VPS16: variants seen among roughly 807,000 people sequenced by gnomAD.
The protein encoded by VPS16 is VPS16 core subunit of CORVET and HOPS complexes.
In VPS16, 82 loss-of-function variants were observed where a neutral mutation model predicts 116.0. The observed-to-expected ratio is 0.71, with a 90% CI of 0.59 to 0.85. VPS16 has a LOEUF of 0.85. Among genes scored for constraint, VPS16 ranks in the 40% least tolerant of loss-of-function variants. The pLI, the probability that VPS16 is intolerant of heterozygous loss-of-function variation, is 0.00. For synonymous variants in VPS16, 406 were observed against 420.7 expected (o/e 0.96, Z 0.43); for missense variants, 928 against 1,090.6 (o/e 0.85, Z 2.10).
At chr20:2,854,960 A>ATTTTTTTTTT (rs547295825) in intron 1 of VPS16, among the ~76,000 whole-genome samples, 7 of 110,132 alleles carry the variant, frequency 6.4e-5, no homozygotes, top group South Asian at 6.2e-4. Flanking sequence ...ATGAGCAGTA[A>ATTTTTTTTTT]TTTTTTTTTT....
At position 2,860,254 on chromosome 20, in the gene VPS16, G is replaced by A. The variant is rs139942869; in HGVS notation, c.256G>A (p.Val86Met). The A allele has an allele frequency of 6.0e-5, 97 of 1,614,002 alleles. No individual in the cohort carries two copies. Among genetic ancestry groups the A allele is most frequent in the Non-Finnish European group, 7.6e-5 (90 of 1,180,038 alleles). The change falls in exon 4 of 24, where the codon GTG becomes ATG. Residue 86 changes from valine to methionine, a missense_variant. Val to Met is a conservative substitution (Grantham distance 21). Transcript: ENST00000380445. This position sits in a 1 kb window ranked among gnomAD's most constrained non-coding sequence, Gnocchi z 6.1. Reference sequence around the variant, plus strand: ...TCCCCTGCAGTGGAAGAGTGGACCCGTGGTGTCCCTGGGCTGGTCAGCTGA... The same window carrying A: ...TCCCCTGCAGTGGAAGAGTGGACCCATGGTGTCCCTGGGCTGGTCAGCTGA... ...LASLLWKSGP[V>M]VSLGWSAEEE...
intron 1 of VPS16, among the ~76,000 whole-genome samples, chr20:2,856,451 C>G (rs990950573): frequency 5.3e-5 from 8 of 152,172 alleles, no homozygotes; most frequent in African/African-American, 1.9e-4. Flanking sequence ...AAAAATGACG[C>G]TGATAGATTT....
At chr20:2,861,923 C>T (rs897276075) in intron 10 of VPS16, 24 bp downstream of exon 10, 4 of 1,611,578 alleles carry the variant, frequency 2.5e-6, no homozygotes, top group African/African-American at 1.3e-5. Context: ...AAGGGCACCA[C>T]ATAACCCAAG....
chr20:2,862,785 A>C (rs367807650), intron 12 of VPS16, 22 bp from the exon 13 acceptor site: 1 of 1,613,462 alleles, frequency 6.2e-7, no homozygotes, highest in South Asian at 1.1e-5. Context: ...GCTCTCTCCT[A>C]TCGCCCTCTG....
Position 2,862,901 on chromosome 20 carries a change from A to G in VPS16, c.1298A>G (p.Asp433Gly). The G allele has an allele frequency of 6.2e-7, 1 of 1,614,060 alleles. No homozygotes were observed. The highest frequency in any genetic ancestry group is 8.5e-7 in the Non-Finnish European group (1 of 1,179,996). Residue 433 changes from aspartate (D) to glycine (G), a missense_variant, in exon 13 of 24, where the codon GAC becomes GGC. Asp to Gly is a moderately conservative substitution (Grantham distance 94). Transcript: ENST00000380445. ...CTGCGTGTGCTCAATGCTGTTCGGGACTATCACATCGGGATCCCGCTCACC... is the reference window on the plus strand; with the variant it reads ...CTGCGTGTGCTCAATGCTGTTCGGGGCTATCACATCGGGATCCCGCTCACC... ...QDLRVLNAVR[D>G]YHIGIPLTYS...
chr20:2,845,598 G>A (rs1004142163), intron 1 of VPS16, among the ~76,000 whole-genome samples: 114 of 149,646 alleles, frequency 7.6e-4, no homozygotes, highest in African/African-American at 2.6e-3. Flanking sequence ...AAAAAAAAAA[G>A]AACATTTTAA....
intron 1 of VPS16, among the ~76,000 whole-genome samples, chr20:2,845,020 G>GTGTA (rs537653844): frequency 2.6e-5 from 4 of 151,376 alleles, no homozygotes; most frequent in African/African-American, 9.7e-5. Context: ...GTGTGTGTGT[G>GTGTA]TGTGTGTGTG....
chr20:2,851,956 C>A (rs868314952), intron 1 of VPS16, among the ~76,000 whole-genome samples: 1 of 152,072 alleles, frequency 6.6e-6, no homozygotes, highest in African/African-American at 2.4e-5. Flanking sequence ...GGCGACAGAG[C>A]GAGACGCTGT....
rs1271084678 is a variant in VPS16 at position 2,864,204 on chromosome 20, G to A, written c.1637G>A (p.Gly546Glu). Residue 546 changes from glycine (G) to glutamate (E), a missense_variant, in exon 17 of 24, where the codon GGG (glycine) becomes GAG (glutamate). Coordinates refer to ENST00000380445, the MANE Select transcript of VPS16 (RefSeq NM_022575.4). The surrounding 1 kb of genome is among the most constrained non-coding windows in gnomAD (Gnocchi z 5.2). ...CTGCTGGAGTATGAGCCACGCTCAG[G>A]GGAGCAGGTACCCCTTCTCCTAAAG... ...IKLLEYEPRS[G>E]EQVPLLLKMK... 8 of 1,614,090 alleles carry A rather than the reference G, an allele frequency of 5.0e-6. No individual in the cohort carries two copies. The highest frequency in any genetic ancestry group is 5.9e-6 in the Non-Finnish European group (7 of 1,180,044).
intron 1 of VPS16, among the ~76,000 whole-genome samples, chr20:2,846,994 G>T (rs987201083): frequency 2.0e-4 from 30 of 152,130 alleles, no homozygotes; most frequent in Non-Finnish European, 4.1e-4. Flanking sequence ...CACTAAGTGT[G>T]TGGCCTCTCT....
In VPS16 at chr20:2,862,928, A is replaced by C. The variant is rs1676250736; in HGVS notation, c.1325A>C (p.Tyr442Ser). ...RDYHIGIPLT[Y>S]SQYKQLTIQV... ...TATCACATCGGGATCCCGCTCACCT[A>C]TAGCCAGTATCCCTGTGCACGCCAG... Residue 442 changes from tyrosine to serine, a missense_variant, in exon 13 of 24, where the codon TAT (tyrosine) becomes TCT (serine). Tyr to Ser is a moderately radical substitution (Grantham distance 144). Coordinates refer to ENST00000380445, the MANE Select transcript of VPS16 (RefSeq NM_022575.4). 6.2e-7 allele frequency: 1 copy of C among 1,613,846 alleles called. No homozygotes were observed. Among genetic ancestry groups the C allele is most frequent in the Non-Finnish European group, 8.5e-7 (1 of 1,179,944 alleles).
chr20:2,844,068 A>G (rs2089035100), intron 1 of VPS16, among the ~76,000 whole-genome samples: 3 of 152,232 alleles, frequency 2.0e-5, no homozygotes, highest in South Asian at 4.1e-4. Context: ...TTACACAGCT[A>G]TTGAGTAGTG....
At chr20:2,851,956 C>T (rs868314952) in intron 1 of VPS16, among the ~76,000 whole-genome samples, 2 of 152,190 alleles carry the variant, frequency 1.3e-5, no homozygotes, top group Middle Eastern at 6.8e-3. Context: ...GGCGACAGAG[C>T]GAGACGCTGT....
At chr20:2,861,961 C>T in intron 10 of VPS16, 62 bp downstream of exon 10, 1 of 1,604,856 alleles carries the variant, frequency 6.2e-7, no homozygotes, top group East Asian at 2.2e-5. Flanking sequence ...CCCCAGCTGC[C>T]CTGGGCCAGT....
At chr20:2,858,972 C>T (rs1214621288) in intron 1 of VPS16, among the ~76,000 whole-genome samples, 1 of 152,104 alleles carries the variant, frequency 6.6e-6, no homozygotes, top group East Asian at 1.9e-4. Flanking sequence ...GAGCTGAACC[C>T]CTGGGTATAA....
At chr20:2,866,361 G>C in intron 23 of VPS16, 46 bp downstream of exon 23, 1 of 1,614,116 alleles carries the variant, frequency 6.2e-7, no homozygotes, top group South Asian at 1.1e-5. Context: ...TGAGCTGTGG[G>C]CTGGTGAGAG....
rs373059127 is a variant in VPS16, at chr20:2,863,278, C to T, written c.1368-12C>T. ...CTCACTCCTTGTATCCTTTACCCAC[C>T]GGGTCTACCAGGCTCGTGTTGCGGA... On this transcript the variant is annotated splice_polypyrimidine_tract_variant and intron_variant, in intron 14 of 23. Coordinates refer to ENST00000380445, the MANE Select transcript of VPS16 (RefSeq NM_022575.4). This position sits in a 1 kb window ranked among gnomAD's most constrained non-coding sequence, Gnocchi z 4.4. 208 of 1,613,924 alleles carry T rather than the reference C, an allele frequency of 1.3e-4. 1 individual carries two copies. The highest frequency in any genetic ancestry group is 2.7e-4 in the Admixed American group (16 of 60,006).
intron 1 of VPS16, among the ~76,000 whole-genome samples, chr20:2,858,652 C>T (rs2146662589): frequency 6.6e-6 from 1 of 152,028 alleles, no homozygotes; most frequent in African/African-American, 2.4e-5. Context: ...GAATAGTGCC[C>T]ATTCCTTCTT....
At chr20:2,859,674 A>G (rs760715481) in intron 1 of VPS16, 45 bp from the exon 2 acceptor site, 2 of 1,598,318 alleles carry the variant, frequency 1.3e-6, no homozygotes, top group Non-Finnish European at 1.7e-6. Flanking sequence ...CTCCATACGG[A>G]TGCAGGGTAA....
Sources: allele counts gnomAD v4.1 joint callset (sites outside exome capture counted in the v4.1 genomes callset), GRCh38; gene constraint gnomAD v4.1.1; non-coding constraint Gnocchi (gnomAD v3.1); transcripts MANE v1.5; gene names NCBI Gene and HGNC (gene_info 2026-07-23, HGNC 2026-07-21).